FAF1: variants seen among roughly 807,000 people sequenced by gnomAD.
FAF1 encodes the protein FAS-associated factor 1.
A neutral mutation model predicts 92.5 loss-of-function variants in FAF1; 25 were observed. The observed-to-expected ratio is 0.27, with a 90% CI of 0.20 to 0.38. FAF1 has a LOEUF of 0.38. FAF1 is among the 10% of genes least tolerant of loss of function. The pLI, the probability that FAF1 is intolerant of heterozygous loss-of-function variation, is 1.00. For missense variants in FAF1, 636 were observed against 793.3 expected (o/e 0.80, Z 2.38); for synonymous variants, 234 against 273.2 (o/e 0.86, Z 1.42).
chr1:50,557,934 A>G (rs1649669746), intron 13 of FAF1, among the ~76,000 whole-genome samples: 1 of 152,044 alleles, frequency 6.6e-6, no homozygotes, highest in Non-Finnish European at 1.5e-5. Context: ...TTATTTAGAT[A>G]CAGGGTCTTG....
chr1:50,812,928 G>A (rs140565484), intron 2 of FAF1, among the ~76,000 whole-genome samples: 143 of 152,232 alleles, frequency 9.4e-4, no homozygotes, highest in African/African-American at 3.2e-3. Flanking sequence ...GCAGCAACAC[G>A]GATGGTGCTG....
chr1:50,806,901 C>T (rs1481341485), intron 2 of FAF1, among the ~76,000 whole-genome samples: 1 of 152,104 alleles, frequency 6.6e-6, no homozygotes, highest in Admixed American at 6.5e-5. Flanking sequence ...AAAGGATTAG[C>T]ATTTTCAAAG....
At chr1:50,689,836 G>A (rs1213158900) in intron 7 of FAF1, among the ~76,000 whole-genome samples, 1 of 151,972 alleles carries the variant, frequency 6.6e-6, no homozygotes, top group Admixed American at 6.6e-5. Context: ...CTTTATTTTA[G>A]AATTCTGAAA....
At chr1:50,466,952 C>T (rs1040142676) in intron 18 of FAF1, among the ~76,000 whole-genome samples, 2 of 152,196 alleles carry the variant, frequency 1.3e-5, no homozygotes, top group Admixed American at 6.5e-5. Flanking sequence ...TCCTATCTAT[C>T]TCAGTTTTGT....
At chr1:50,710,357 C>T (rs1392445004) in intron 6 of FAF1, among the ~76,000 whole-genome samples, 2 of 152,132 alleles carry the variant, frequency 1.3e-5, no homozygotes, top group Non-Finnish European at 2.9e-5. Flanking sequence ...GGTAATTTGG[C>T]AAGCATAATA....
chr1:50,770,920 C>T (rs11588333), intron 4 of FAF1, among the ~76,000 whole-genome samples: 46,577 of 152,002 alleles, frequency 0.31, 7,444 homozygotes, highest in Middle Eastern at 0.5. Context: ...GACACACAGA[C>T]TCATGGAATG....
chr1:50,852,599 T>C (rs1487294574), intron 2 of FAF1, among the ~76,000 whole-genome samples: 2 of 151,992 alleles, frequency 1.3e-5, no homozygotes, highest in Non-Finnish European at 2.9e-5. Flanking sequence ...GTAGGGAAAA[T>C]GTGATAAGTA....
intron 15 of FAF1, among the ~76,000 whole-genome samples, chr1:50,520,434 C>G (rs1168297658): frequency 6.6e-6 from 1 of 152,110 alleles, no homozygotes; most frequent in Non-Finnish European, 1.5e-5. Context: ...CAAACTGGAC[C>G]AACATGAATT....
At chr1:50,556,574 G>A (rs1241891321) in intron 13 of FAF1, among the ~76,000 whole-genome samples, 3 of 152,132 alleles carry the variant, frequency 2.0e-5, no homozygotes, top group African/African-American at 4.8e-5. Context: ...AGTGGCTTAT[G>A]CCTGTAATCC....
At chr1:50,698,145 T>G (rs933324793) in intron 7 of FAF1, among the ~76,000 whole-genome samples, 1 of 151,612 alleles carries the variant, frequency 6.6e-6, no homozygotes, top group Non-Finnish European at 1.5e-5. Context: ...GTTTAATTTC[T>G]TGTGTGTGTG....
intron 8 of FAF1, among the ~76,000 whole-genome samples, chr1:50,598,036 G>C (rs112279132): frequency 6.6e-6 from 1 of 152,102 alleles, no homozygotes; most frequent in East Asian, 1.9e-4. Context: ...GCTCATGCCT[G>C]TAATTCCAGC....
chr1:50,757,874 T>C (rs976356879), intron 4 of FAF1, among the ~76,000 whole-genome samples: 1 of 152,182 alleles, frequency 6.6e-6, no homozygotes, highest in African/African-American at 2.4e-5. Context: ...CTGAGCTTAA[T>C]GACCATTATG....
intron 8 of FAF1, among the ~76,000 whole-genome samples, chr1:50,619,959 A>G (rs1230732863): frequency 7.2e-6 from 1 of 139,478 alleles, no homozygotes; most frequent in African/African-American, 2.8e-5. Context: ...CCCAGGCTGG[A>G]GTGCAATGGC....
At chr1:50,720,686 C>A (rs1476903841) in intron 6 of FAF1, among the ~76,000 whole-genome samples, 1 of 152,070 alleles carries the variant, frequency 6.6e-6, no homozygotes, top group Non-Finnish European at 1.5e-5. Context: ...TGAACCCCCA[C>A]CCTAGGAATC....
intron 1 of FAF1, among the ~76,000 whole-genome samples, chr1:50,939,416 A>G (rs1404004257): frequency 6.6e-6 from 1 of 152,172 alleles, no homozygotes; most frequent in Non-Finnish European, 1.5e-5. Context: ...CACTGATTTT[A>G]TATCCTGAAA....
intron 18 of FAF1, among the ~76,000 whole-genome samples, chr1:50,451,002 G>C (rs886875106): frequency 6.6e-6 from 1 of 152,140 alleles, no homozygotes; most frequent in African/African-American, 2.4e-5. Context: ...TGTCTCACTG[G>C]ACCACAAGAA....
At chr1:50,565,908 T>C (rs1388955662) in intron 13 of FAF1, among the ~76,000 whole-genome samples, 1 of 152,114 alleles carries the variant, frequency 6.6e-6, no homozygotes. Flanking sequence ...CTCTGTATTT[T>C]GCCTCATGAA....
intron 2 of FAF1, among the ~76,000 whole-genome samples, chr1:50,814,333 A>G (rs1643945914): frequency 1.3e-5 from 2 of 152,200 alleles, no homozygotes; most frequent in Admixed American, 6.5e-5. Flanking sequence ...GCAAAATAAC[A>G]TTAGGCATCA....
At chr1:50,844,112 C>T (rs1270313940) in intron 2 of FAF1, among the ~76,000 whole-genome samples, 1 of 152,154 alleles carries the variant, frequency 6.6e-6, no homozygotes, top group Non-Finnish European at 1.5e-5. Context: ...TTTTGGTTAG[C>T]ATTTCCCTGA....
Sources: allele counts gnomAD v4.1 joint callset (sites outside exome capture counted in the v4.1 genomes callset), GRCh38; gene constraint gnomAD v4.1.1; transcripts MANE v1.5; gene names NCBI Gene and HGNC (gene_info 2026-07-23, HGNC 2026-07-21).